Variants in TUT4 observed in about 807,000 individuals in gnomAD.
The protein encoded by TUT4 is terminal uridylyl transferase 4.
TUT4 carries 36 observed loss-of-function variants against 192.2 expected under a neutral mutation model. The observed-to-expected ratio is 0.19, with a 90% CI of 0.14 to 0.25. The LOEUF is 0.25. TUT4 is among the 10% of genes least tolerant of loss of function. The pLI, the probability that TUT4 is intolerant of heterozygous loss-of-function variation, is 1.00. For synonymous variants in TUT4, 618 were observed against 666.0 expected, an observed-to-expected ratio of 0.93 and a Z score of 1.11; for missense variants, 1,493 against 1,957.2, an observed-to-expected ratio of 0.76 and a Z score of 4.47.
intron 9 of TUT4, among the ~76,000 whole-genome samples, chr1:52,487,261 C>A (rs375811596): frequency 1.3e-5 from 2 of 151,820 alleles, no homozygotes; most frequent in Non-Finnish European, 2.9e-5. Flanking sequence ...GCCTGGGCAA[C>A]AAAATGAGAA....
intron 20 of TUT4, among the ~76,000 whole-genome samples, chr1:52,455,832 C>T (rs894623226): frequency 3.9e-5 from 6 of 152,054 alleles, no homozygotes; most frequent in Non-Finnish European, 8.8e-5. Flanking sequence ...GGAACTCTCA[C>T]ACATTGCTGG....
At chr1:52,437,420 G>C (rs1654124544) in intron 25 of TUT4, 1 of 156,384 alleles carries the variant, frequency 6.4e-6, no homozygotes, top group South Asian at 1.9e-4. Context: ...ACAGTATACA[G>C]AACCTGGGAG....
chr1:52,546,116 G>C (rs895457220), intron 1 of TUT4, among the ~76,000 whole-genome samples: 1 of 152,102 alleles, frequency 6.6e-6, no homozygotes, highest in Non-Finnish European at 1.5e-5. Context: ...TCCAGCTTGG[G>C]AGACAGAGCC....
chr1:52,504,887 T>C (rs1301526351), intron 4 of TUT4, among the ~76,000 whole-genome samples: 1 of 152,226 alleles, frequency 6.6e-6, no homozygotes, highest in African/African-American at 2.4e-5. Context: ...GGTTCATCCA[T>C]GTTGTTGCAT....
chr1:52,552,526 G>C (rs1344628871), intron 1 of TUT4, among the ~76,000 whole-genome samples: 1 of 152,226 alleles, frequency 6.6e-6, no homozygotes, highest in Non-Finnish European at 1.5e-5. Context: ...AAGGGTGAAA[G>C]AAAAAGGTAC....
At chr1:52,512,311 T>C (rs1677401614) in intron 3 of TUT4, among the ~76,000 whole-genome samples, 1 of 152,252 alleles carries the variant, frequency 6.6e-6, no homozygotes, top group South Asian at 2.1e-4. Flanking sequence ...TACCAGGACT[T>C]GTGCTAAAAA....
Position 52,477,902 on chromosome 1 carries a change from T to C in TUT4, c.1849-20A>G. 1 of 1,571,540 alleles carries C rather than the reference T, an allele frequency of 6.4e-7. No individual in the cohort carries two copies. Among genetic ancestry groups the C allele is most frequent in the Non-Finnish European group, 8.6e-7 (1 of 1,163,022 alleles). On this transcript the variant is annotated intron_variant, in intron 11 of 29. Transcript: ENST00000257177. ...AGGAGACTGGAAAAGAAAAAATACT[T>C]TTCATTTAAGCTTAACAAAACCATA...
At chr1:52,467,081 G>A (rs1265594111) in intron 15 of TUT4, among the ~76,000 whole-genome samples, 1 of 152,078 alleles carries the variant, frequency 6.6e-6, no homozygotes, top group Non-Finnish European at 1.5e-5. Context: ...GAAGTTTGAG[G>A]CTGCAGTGAG....
chr1:52,491,784 ATTAAT>A (rs919023902), intron 7 of TUT4, among the ~76,000 whole-genome samples: 15 of 152,236 alleles, frequency 9.9e-5, no homozygotes, highest in African/African-American at 3.4e-4. Context: ...TGTTGTAATT[ATTAAT>A]TTAGTCAAAA....
rs1651936206 is a variant in TUT4 at position 52,431,103 on chromosome 1, C to T, written c.4621G>A (p.Val1541Met). Reference sequence around the variant, plus strand: ...TCGTGAGACGTGTTAGGGATTGCCACAGGTCTGGCAGCAGGCTGTGCAAAG... The same window carrying T: ...TCGTGAGACGTGTTAGGGATTGCCATAGGTCTGGCAGCAGGCTGTGCAAAG... ...IIFAQPAARP[V>M]AIPNTSHDGH... is the part of the protein sequence containing the mutation. Residue 1541 changes from valine (V) to methionine (M), a missense_variant, in exon 28 of 30, where the codon GTG becomes ATG. Coordinates refer to ENST00000257177, the MANE Select transcript of TUT4 (RefSeq NM_001009881.3). 6.2e-7 allele frequency: 1 copy of T among 1,614,224 alleles called. No homozygotes were observed. The highest frequency in any genetic ancestry group is 8.5e-7 in the Non-Finnish European group (1 of 1,180,026).
chr1:52,426,717 T>A (rs1650073420), intron 28 of TUT4, among the ~76,000 whole-genome samples: 1 of 152,210 alleles, frequency 6.6e-6, no homozygotes, highest in Non-Finnish European at 1.5e-5. Context: ...GTGAAACTGG[T>A]ATATCCAGAA....
intron 27 of TUT4, 60 bp from the exon 28 acceptor site, chr1:52,431,520 T>A: frequency 8.1e-7 from 1 of 1,231,278 alleles, no homozygotes; most frequent in Non-Finnish European, 1.1e-6. Flanking sequence ...TTTATAAAAG[T>A]AGAGATAAAA....
chr1:52,451,255 G>C (rs1659329022), intron 20 of TUT4, among the ~76,000 whole-genome samples: 1 of 149,470 alleles, frequency 6.7e-6, no homozygotes, highest in Non-Finnish European at 1.5e-5. Context: ...GACAGAGCGA[G>C]ACTCTGTCTC....
chr1:52,440,828 CA>C (rs533808736), intron 24 of TUT4, among the ~76,000 whole-genome samples: 1,598 of 152,096 alleles, frequency 0.011, 21 homozygotes, highest in African/African-American at 0.036. Context: ...CAAATTTCCA[CA>C]AAAAAATTTT....
At chr1:52,426,792 C>A (rs1038324857) in intron 28 of TUT4, among the ~76,000 whole-genome samples, 3 of 152,066 alleles carry the variant, frequency 2.0e-5, no homozygotes, top group African/African-American at 7.2e-5. Context: ...AGATATATTC[C>A]AATCCCCTTT....
intron 1 of TUT4, among the ~76,000 whole-genome samples, chr1:52,538,298 G>A (rs891438836): frequency 6.6e-6 from 1 of 152,022 alleles, no homozygotes; most frequent in African/African-American, 2.4e-5. Flanking sequence ...AACATCAGCA[G>A]AATATACATT....
chr1:52,513,548 G>A (rs1677881997), intron 3 of TUT4, among the ~76,000 whole-genome samples: 1 of 151,652 alleles, frequency 6.6e-6, no homozygotes, highest in Non-Finnish European at 1.5e-5. Flanking sequence ...TATCTACGCT[G>A]GTACTGGCAC....
intron 28 of TUT4, among the ~76,000 whole-genome samples, chr1:52,427,365 A>G (rs919148880): frequency 6.6e-6 from 1 of 152,000 alleles, no homozygotes; most frequent in Non-Finnish European, 1.5e-5. Context: ...AACAACTTAG[A>G]TAAGCAACCA....
chr1:52,492,684 A>G (rs527386616), intron 7 of TUT4, among the ~76,000 whole-genome samples: 2 of 152,254 alleles, frequency 1.3e-5, no homozygotes, highest in Non-Finnish European at 2.9e-5. Context: ...GTAACAAGAA[A>G]AACAGTAAGT....
Sources: allele counts gnomAD v4.1 joint callset (sites outside exome capture counted in the v4.1 genomes callset), GRCh38; gene constraint gnomAD v4.1.1; transcripts MANE v1.5; gene names NCBI Gene and HGNC (gene_info 2026-07-23, HGNC 2026-07-21).